The following TMEM163 variants were observed in gnomAD, a reference collection of about 807,000 sequenced individuals.
TMEM163 encodes transmembrane protein 163.
In TMEM163, 17 loss-of-function variants were observed where a neutral mutation model predicts 29.3. The ratio of observed to expected loss-of-function variants is 0.58; its 90% CI spans 0.40 to 0.87. The LOEUF is 0.87. Ranked by LOEUF, TMEM163 falls within the 40% of genes least tolerant of loss-of-function variation. The probability of loss-of-function intolerance (pLI) is 0.00; values close to 1 mark genes in which losing one functional copy is unlikely to be tolerated. For synonymous variants in TMEM163, 157 were observed against 160.6 expected (o/e 0.98, Z 0.17); for missense variants, 303 against 381.5 (o/e 0.79, Z 1.71).
In TMEM163 at chr2:134,640,933, A is replaced by G. The variant is rs557029457; in HGVS notation, c.322+72267T>C. Among the ~76,000 whole-genome samples, 17 of 152,378 alleles carry G rather than the reference A, an allele frequency of 1.1e-4. No homozygotes were observed. The South Asian group carries it at 3.5e-3, about 32-fold the overall frequency. On this transcript the variant is annotated intron_variant, in intron 2 of 7. Coordinates refer to ENST00000281924, the MANE Select transcript of TMEM163 (RefSeq NM_030923.5). ...GTTAAAACAAAGAATAGTTGTAGATAAAGCTGTCCATGTTTAGCTGTCCAT... is the reference window on the plus strand; with the variant it reads ...GTTAAAACAAAGAATAGTTGTAGATGAAGCTGTCCATGTTTAGCTGTCCAT...
At chr2:134,644,583 AG>A (rs1455546796) in intron 2 of TMEM163, among the ~76,000 whole-genome samples, 7 of 152,330 alleles carry the variant, frequency 4.6e-5, no homozygotes, top group Middle Eastern at 3.4e-3. Flanking sequence ...CATCATAATT[AG>A]TTGCAACCTA....
intron 2 of TMEM163, among the ~76,000 whole-genome samples, chr2:134,585,575 T>A (rs1379756646): frequency 2.0e-5 from 3 of 152,104 alleles, no homozygotes; most frequent in Non-Finnish European, 2.9e-5. Flanking sequence ...ACCCCGTCTC[T>A]ACTAAAAATA....
At chr2:134,581,061 A>G (rs1316809011) in intron 2 of TMEM163, among the ~76,000 whole-genome samples, 1 of 152,140 alleles carries the variant, frequency 6.6e-6, no homozygotes, top group African/African-American at 2.4e-5. Context: ...CTTCCTGACC[A>G]TCACAGACGC....
intron 5 of TMEM163, among the ~76,000 whole-genome samples, chr2:134,479,012 C>T (rs1176762029): frequency 6.6e-6 from 1 of 152,180 alleles, no homozygotes; most frequent in Non-Finnish European, 1.5e-5. Flanking sequence ...CCCCAAAGGA[C>T]ATCCTTGCTT....
At chr2:134,541,673 T>C (rs1680671138) in intron 4 of TMEM163, among the ~76,000 whole-genome samples, 2 of 152,154 alleles carry the variant, frequency 1.3e-5, no homozygotes, top group Non-Finnish European at 2.9e-5. Context: ...ATGTTCAAAC[T>C]ATGGTGTTAA....
chr2:134,622,615 G>T (rs73958770), intron 2 of TMEM163, among the ~76,000 whole-genome samples: 13,078 of 152,146 alleles, frequency 0.086, 633 homozygotes, highest in South Asian at 0.17. Context: ...AGCACAGACA[G>T]GTCTATGTAA....
chr2:134,630,035 T>C (rs1682932976), intron 2 of TMEM163, among the ~76,000 whole-genome samples: 1 of 152,138 alleles, frequency 6.6e-6, no homozygotes, highest in African/African-American at 2.4e-5. Flanking sequence ...CCAGAAGCAA[T>C]TGAATCCATT....
intron 2 of TMEM163, among the ~76,000 whole-genome samples, chr2:134,571,610 C>A (rs1681434446): frequency 6.6e-6 from 1 of 152,096 alleles, no homozygotes; most frequent in Non-Finnish European, 1.5e-5. Context: ...ATAGTCACAC[C>A]CATGGCTAAG....
intron 2 of TMEM163, among the ~76,000 whole-genome samples, chr2:134,571,442 C>T (rs950279360): frequency 6.6e-6 from 1 of 151,988 alleles, no homozygotes. Context: ...GGAACAAACA[C>T]CTGAAATACA....
rs4328685 is a variant in TMEM163, at chr2:134,656,091, T to G, written c.322+57109A>C. Among the ~76,000 whole-genome samples, 342 of 136,490 alleles carry G rather than the reference T, an allele frequency of 2.5e-3. 43 individuals carry two copies. The highest frequency in any genetic ancestry group is 9.3e-3 in the African/African-American group (297 of 31,770). 89.5% of individuals were successfully genotyped at this position (136,490 alleles called of 152,430 possible). Reference sequence around the variant, plus strand: ...TGGGCTCCACCCAGTTCGAGCTTCCTGGCTGCTTTGTTTACCTAAGCAAGC... The same window carrying G: ...TGGGCTCCACCCAGTTCGAGCTTCCGGGCTGCTTTGTTTACCTAAGCAAGC... On this transcript the variant is annotated intron_variant, in intron 2 of 7. Coordinates refer to ENST00000281924, the MANE Select transcript of TMEM163 (RefSeq NM_030923.5).
In TMEM163 at chr2:134,650,110, C is replaced by T. The variant is rs189365526; in HGVS notation, c.322+63090G>A. Among the ~76,000 whole-genome samples, 8 of 149,980 alleles carry T rather than the reference C, an allele frequency of 5.3e-5. 1 individual carries two copies. Among genetic ancestry groups the T allele is most frequent in the South Asian group, 4.2e-4 (2 of 4,734 alleles). On this transcript the variant is annotated intron_variant, in intron 2 of 7. Coordinates refer to ENST00000281924, the MANE Select transcript of TMEM163 (RefSeq NM_030923.5). ...AAAAAATGGAAGGTATAGGGCAATA[C>T]GCACAGTACAACCACATTTTTGTGT... is the stretch of plus-strand genomic sequence containing the variant.
At chr2:134,677,040 C>A (rs991315325) in intron 2 of TMEM163, among the ~76,000 whole-genome samples, 1 of 151,990 alleles carries the variant, frequency 6.6e-6, no homozygotes, top group Non-Finnish European at 1.5e-5. Context: ...GCAGCCCACC[C>A]GAGAGAGAGA....
chr2:134,713,713 A>G (rs1684977444), intron 1 of TMEM163: 6 of 459,388 alleles, frequency 1.3e-5, no homozygotes, highest in Non-Finnish European at 1.7e-5. Flanking sequence ...AACCACCCAC[A>G]TTCAGCTGGG....
At chr2:134,483,675 G>A (rs1679253370) in intron 5 of TMEM163, among the ~76,000 whole-genome samples, 1 of 152,174 alleles carries the variant, frequency 6.6e-6, no homozygotes, top group East Asian at 1.9e-4. Context: ...CACCCAGCTA[G>A]TCAGAGATGC....
At chr2:134,718,626 CCG>C in intron 1 of TMEM163, 106 bp downstream of exon 1, 2 of 861,750 alleles carry the variant, frequency 2.3e-6, no homozygotes, top group Non-Finnish European at 2.9e-6. Flanking sequence ...CTCCGCGCCC[CCG>C]CGCGCTCCGA....
At chr2:134,511,522 G>A (rs1451151947) in intron 4 of TMEM163, among the ~76,000 whole-genome samples, 1 of 152,226 alleles carries the variant, frequency 6.6e-6, no homozygotes, top group Non-Finnish European at 1.5e-5. Context: ...GGACATGGGT[G>A]GAAGCGGGGA....
At chr2:134,604,969 C>T (rs1400650658) in intron 2 of TMEM163, among the ~76,000 whole-genome samples, 2 of 152,026 alleles carry the variant, frequency 1.3e-5, no homozygotes, top group African/African-American at 4.8e-5. Context: ...CACCAGAGGT[C>T]GGGATTTCGA....
rs1397098147 is a variant in TMEM163, at chr2:134,578,738, T to C, written c.323-26647A>G. Among the ~76,000 whole-genome samples the C allele has an allele frequency of 2.6e-5, 4 of 152,268 alleles. No individual in the cohort carries two copies. The East Asian group carries it at 7.7e-4, about 29-fold the overall frequency. On this transcript the variant is annotated intron_variant, in intron 2 of 7. Coordinates refer to ENST00000281924, the MANE Select transcript of TMEM163 (RefSeq NM_030923.5). ...ATGTAAAATCTCATGGCCTAAGAGA[T>C]AAATAACTGGTTTGAGTGTGTGTGT...
intron 5 of TMEM163, among the ~76,000 whole-genome samples, chr2:134,489,866 C>T (rs1215189682): frequency 6.6e-6 from 1 of 152,178 alleles, no homozygotes; most frequent in East Asian, 1.9e-4. Flanking sequence ...TAAAAATGTC[C>T]ACAGCAAGGT....
Sources: gnomAD v4.1 joint callset for allele counts (sites outside exome capture counted in the v4.1 genomes callset) on GRCh38, gnomAD v4.1.1 for gene constraint, MANE v1.5 for transcripts, NCBI Gene and HGNC (gene_info 2026-07-23, HGNC 2026-07-21) for gene names.